The following QKI variants were observed in gnomAD, a reference collection of about 807,000 sequenced individuals.
The protein encoded by QKI is QKI, KH domain containing RNA binding.
QKI carries 10 observed loss-of-function variants against 39.0 expected under a neutral mutation model. The observed-to-expected ratio is 0.26, with a 90% confidence interval of 0.16 to 0.43. QKI has a LOEUF of 0.43. Ranked by LOEUF, QKI falls within the 20% of genes least tolerant of loss-of-function variation. The pLI, the probability that QKI is intolerant of heterozygous loss-of-function variation, is 1.00. For missense variants in QKI, 218 were observed against 428.0 expected (o/e 0.51, Z 4.33); for synonymous variants, 204 against 155.4 (o/e 1.31, Z -2.33).
intron 2 of QKI, among the ~76,000 whole-genome samples, chr6:163,459,109 A>G (rs1791152551): frequency 6.6e-6 from 1 of 152,182 alleles, no homozygotes; most frequent in South Asian, 2.1e-4. Flanking sequence ...GATTGAGGCT[A>G]ACTGGGTGGG....
At chr6:163,555,339 A>T (rs1266890615) in intron 4 of QKI, among the ~76,000 whole-genome samples, 3 of 152,070 alleles carry the variant, frequency 2.0e-5, no homozygotes, top group Admixed American at 1.3e-4. Context: ...TATATGATTG[A>T]TCACCCCAAA....
chr6:163,433,257 A>T (rs1030243991), intron 1 of QKI, among the ~76,000 whole-genome samples: 1 of 152,194 alleles, frequency 6.6e-6, no homozygotes, highest in African/African-American at 2.4e-5. Context: ...TGAATGTTAC[A>T]TTATTACTTT....
intron 1 of QKI, among the ~76,000 whole-genome samples, chr6:163,439,688 C>T (rs1312112274): frequency 6.8e-6 from 1 of 146,404 alleles, no homozygotes; most frequent in Admixed American, 6.8e-5. Context: ...CAGAGTCTCA[C>T]TCTGTTGCCC....
chr6:163,535,049 T>G lies in QKI; in HGVS notation c.470T>G (p.Val157Gly). Reference protein sequence around the residue: ...LNEDLHVLITVEDAQNRAEIK... With the variant: ...LNEDLHVLITGEDAQNRAEIK... ...GAAGATTTACATGTACTAATCACTG[T>G]GGAAGATGCTCAGAACAGAGCAGAA... Residue 157 changes from valine to glycine, a missense_variant, in exon 4 of 8, where the codon GTG becomes GGG. Physicochemically the swap from Val to Gly is moderately radical, Grantham distance 109. Around this residue, in one of 3 missense-constraint regions of QKI, gnomAD observed 61 missense variants for 193.3 expected, o/e 0.32. Transcript: ENST00000361752. The G allele has an allele frequency of 1.9e-6, 3 of 1,612,358 alleles. No individual in the cohort carries two copies. The highest frequency in any genetic ancestry group is 2.5e-6 in the Non-Finnish European group (3 of 1,179,192).
In QKI at chr6:163,415,162, C is replaced by CGGT; in HGVS notation, c.-30_-29insTGG. The CGGT allele has an allele frequency of 1.4e-6, 2 of 1,418,944 alleles. No homozygotes were observed. The highest frequency in any genetic ancestry group is 9.3e-7 in the Non-Finnish European group (1 of 1,070,742). 87.9% of individuals were successfully genotyped at this position (1,418,944 alleles called of 1,614,324 possible). A position where few individuals can be genotyped will look rare whatever the true frequency, so the allele number is the denominator to read the frequency against. ...TCCTCTCCGGCGGCGGCGGCGGCGGCGGCGGGCGGAGTGAGCTGCGGAGCC... is the reference window on the plus strand; with the variant it reads ...TCCTCTCCGGCGGCGGCGGCGGCGGCGGTGGCGGGCGGAGTGAGCTGCGGAGCC... On this transcript the variant is annotated 5_prime_UTR_variant, in exon 1 of 8. Coordinates refer to ENST00000361752, the MANE Select transcript of QKI (RefSeq NM_006775.3).
At chr6:163,509,131 C>T (rs1349258391) in intron 3 of QKI, among the ~76,000 whole-genome samples, 1 of 152,050 alleles carries the variant, frequency 6.6e-6, no homozygotes, top group African/African-American at 2.4e-5. Flanking sequence ...GAGTGAGACT[C>T]CGTCTCAGTC....
At chr6:163,455,484 A>G in intron 2 of QKI, 63 bp downstream of exon 2, 8 of 1,449,940 alleles carry the variant, frequency 5.5e-6, no homozygotes, top group South Asian at 1.3e-5. Context: ...GAAGAGATAT[A>G]TTTGGTGGTA....
intron 3 of QKI, among the ~76,000 whole-genome samples, chr6:163,497,480 CTTA>C (rs1425709135): frequency 6.6e-6 from 1 of 151,004 alleles, no homozygotes; most frequent in Non-Finnish European, 1.5e-5. Context: ...TTTTTTTTAA[CTTA>C]TTAAAGAATT....
intron 4 of QKI, among the ~76,000 whole-genome samples, chr6:163,553,749 A>C (rs1782410468): frequency 6.6e-6 from 1 of 152,156 alleles, no homozygotes; most frequent in African/African-American, 2.4e-5. Context: ...GTTACTTTTC[A>C]GTGGATCTGT....
intron 3 of QKI, among the ~76,000 whole-genome samples, chr6:163,522,044 T>G (rs1164550709): frequency 6.6e-6 from 1 of 152,218 alleles, no homozygotes; most frequent in African/African-American, 2.4e-5. Flanking sequence ...AGGAGTTACA[T>G]AGTAAAAGTG....
At chr6:163,504,175 G>T (rs1488305202) in intron 3 of QKI, among the ~76,000 whole-genome samples, 1 of 152,090 alleles carries the variant, frequency 6.6e-6, no homozygotes, top group Non-Finnish European at 1.5e-5. Context: ...AATTCAGATG[G>T]CTGTAGATGT....
chr6:163,514,390 G>A (rs6913113), intron 3 of QKI, among the ~76,000 whole-genome samples: 119,564 of 152,036 alleles, frequency 0.79, 47,183 homozygotes, highest in East Asian at 1. Flanking sequence ...TTAAAGATAT[G>A]TATTTTCAAA....
intron 4 of QKI, among the ~76,000 whole-genome samples, chr6:163,546,445 T>C (rs1453866850): frequency 6.6e-6 from 1 of 152,056 alleles, no homozygotes; most frequent in Non-Finnish European, 1.5e-5. Context: ...ATATTTAATT[T>C]TTCTTTACCA....
intron 2 of QKI, among the ~76,000 whole-genome samples, chr6:163,465,619 A>G (rs1165427631): frequency 2.1e-5 from 3 of 141,640 alleles, no homozygotes; most frequent in Admixed American, 2.1e-4. Context: ...ACAGAGCAAG[A>G]CTGTCTCAAA....
At chr6:163,437,398 ATTAT>A (rs1789394168) in intron 1 of QKI, among the ~76,000 whole-genome samples, 1 of 152,268 alleles carries the variant, frequency 6.6e-6, no homozygotes, top group African/African-American at 2.4e-5. Context: ...GCTGAATATA[ATTAT>A]TTGTTTATGA....
chr6:163,487,465 C>T (rs550014420), intron 3 of QKI, among the ~76,000 whole-genome samples: 10 of 152,270 alleles, frequency 6.6e-5, no homozygotes, highest in African/African-American at 2.2e-4. Flanking sequence ...TATTTATCCT[C>T]AAATATGTTG....
chr6:163,517,735 T>TG (rs760202211), intron 3 of QKI, among the ~76,000 whole-genome samples: 20 of 152,316 alleles, frequency 1.3e-4, no homozygotes, highest in Non-Finnish European at 2.9e-4. Context: ...GAAACTCTAG[T>TG]TCAGCCTAGT....
intron 3 of QKI, among the ~76,000 whole-genome samples, chr6:163,523,080 A>C (rs1266401488): frequency 6.6e-6 from 1 of 152,156 alleles, no homozygotes; most frequent in Non-Finnish European, 1.5e-5. Flanking sequence ...CTTTTGCTCG[A>C]TGAGGAAGTA....
At chr6:163,495,450 T>A (rs1408825184) in intron 3 of QKI, among the ~76,000 whole-genome samples, 1 of 152,188 alleles carries the variant, frequency 6.6e-6, no homozygotes, top group Non-Finnish European at 1.5e-5. Context: ...TACCGTTTGC[T>A]GAATCATTTG....
Sources: allele counts gnomAD v4.1 joint callset (sites outside exome capture counted in the v4.1 genomes callset), GRCh38; gene constraint gnomAD v4.1.1; regional missense constraint gnomAD v4.1.1; transcripts MANE v1.5; gene names NCBI Gene and HGNC (gene_info 2026-07-23, HGNC 2026-07-21).